The following SNX31 variants were observed in gnomAD, a reference collection of about 807,000 sequenced individuals.
The protein encoded by SNX31 is sorting nexin 31, also known as sorting nexin-31.
In SNX31, 58 loss-of-function variants were observed where a neutral mutation model predicts 65.4. The observed-to-expected ratio is 0.89, with a 90% CI of 0.72 to 1.10. SNX31 has a LOEUF of 1.10. Ranked by LOEUF, SNX31 falls within the 50% of genes least tolerant of loss-of-function variation. The pLI, the probability that SNX31 is intolerant of heterozygous loss-of-function variation, is 0.00. For missense variants in SNX31, 523 were observed against 529.7 expected (o/e 0.99, Z 0.12); for synonymous variants, 181 against 190.1 (o/e 0.95, Z 0.39).
intron 4 of SNX31, among the ~76,000 whole-genome samples, chr8:100,619,613 C>T (rs1202772772): frequency 6.6e-6 from 1 of 152,204 alleles, no homozygotes; most frequent in African/African-American, 2.4e-5. Context: ...CAGCGGCTGC[C>T]CACATGGGGC....
At position 100,613,052 on chromosome 8, in the gene SNX31, G is replaced by C. The variant is rs765030152; in HGVS notation, c.466C>G (p.Leu156Val). ...VSHKIGLCRE[L>V]LGYFGLFLIR... The stretch of plus-strand genomic sequence containing the variant: ...AGAAAGAGGCCGAAGTAGCCCAAGA[G>C]CTCTCGACACAGTCCAATTTTGTGT... The change falls in exon 6 of 14, where the codon CTC becomes GTC. Residue 156 changes from leucine to valine, a missense_variant. Transcript: ENST00000311812. The surrounding 1 kb of genome is among the most constrained non-coding windows in gnomAD (Gnocchi z 5.2). The C allele has an allele frequency of 4.3e-6, 7 of 1,614,034 alleles. No homozygotes were observed. In the Admixed American group the frequency reaches 5.0e-5, roughly 12 times the overall value.
At chr8:100,652,907 T>C (rs2131311390), upstream of SNX31, among the ~76,000 whole-genome samples, 1 of 152,114 alleles carries the variant, frequency 6.6e-6, no homozygotes, top group East Asian at 1.9e-4. Context: ...ATAGCCCAGG[T>C]GTTGCGCACA....
At chr8:100,637,584 T>C (rs892621623) in intron 2 of SNX31, among the ~76,000 whole-genome samples, 14 of 152,248 alleles carry the variant, frequency 9.2e-5, no homozygotes, top group African/African-American at 3.1e-4. Context: ...TCCAAGTCAC[T>C]ATCATCTCTT....
At chr8:100,584,611 T>C (rs1813861382) in intron 11 of SNX31, among the ~76,000 whole-genome samples, 1 of 152,132 alleles carries the variant, frequency 6.6e-6, no homozygotes, top group Non-Finnish European at 1.5e-5. Flanking sequence ...TACATAATTA[T>C]TGAGAGACCT....
Position 100,630,309 on chromosome 8 carries a change from AAAG to A in SNX31, c.321+15_321+17del. On this transcript the variant is annotated intron_variant, in intron 4 of 13. Coordinates refer to ENST00000311812, the MANE Select transcript of SNX31 (RefSeq NM_152628.4). The surrounding 1 kb of genome is among the most constrained non-coding windows in gnomAD (Gnocchi z 5.3). ...CCTGCAGAGGAATGATGGCCCCATT[AAAG>A]AAGAGCAAGCTTACCAGCTGCGCCA... 6.2e-7 allele frequency: 1 copy of A among 1,612,482 alleles called. No individual in the cohort carries two copies.
intron 2 of SNX31, among the ~76,000 whole-genome samples, chr8:100,641,717 ATTTT>A (rs34610614): frequency 3.7e-4 from 43 of 117,760 alleles, no homozygotes; most frequent in East Asian, 7.2e-4. Flanking sequence ...ACCTAGTATA[ATTTT>A]TTTTTTTTTT....
chr8:100,649,716 C>T, upstream of SNX31: 1 of 474,798 alleles, frequency 2.1e-6, no homozygotes. Flanking sequence ...CCGCCCCATC[C>T]AGCCCCGCCG....
At chr8:100,619,227 C>T (rs955058410) in intron 4 of SNX31, 3 of 152,214 alleles carry the variant, frequency 2.0e-5, no homozygotes, top group African/African-American at 7.2e-5. Context: ...GTGCCAGGAA[C>T]TGGGGACAAA....
chr8:100,640,888 T>C lies in SNX31; in HGVS notation c.142-4877A>G, dbSNP rs116983916. On this transcript the variant is annotated intron_variant, in intron 2 of 13. Transcript: ENST00000311812. Reference sequence around the variant, plus strand: ...TAATGTGGTACACTGGCCAGGGTCCTGGAAGAGAAATAGGACATTAGGTAA... The same window carrying C: ...TAATGTGGTACACTGGCCAGGGTCCCGGAAGAGAAATAGGACATTAGGTAA... Among the ~76,000 whole-genome samples the C allele has an allele frequency of 3.6e-4, 55 of 152,276 alleles. No individual in the cohort carries two copies. In the East Asian group the frequency reaches 9.5e-3, roughly 26 times the overall value.
chr8:100,592,441 A>G (rs2130874868), intron 10 of SNX31, among the ~76,000 whole-genome samples: 1 of 152,362 alleles, frequency 6.6e-6, no homozygotes, highest in East Asian at 1.9e-4. Flanking sequence ...TGTCACATCT[A>G]TCTACTAGGT....
rs1813029205 is a variant in SNX31 at position 100,576,138 on chromosome 8, G to A, written c.1227+881C>T. 6.6e-6 allele frequency among the ~76,000 whole-genome samples: 1 copy of A among 152,156 alleles called. No individual in the cohort carries two copies. Among genetic ancestry groups the A allele is most frequent in the Admixed American group, 6.5e-5 (1 of 15,272 alleles). ...AGCCAGAAGTGCTGTGATTATGAAG[G>A]AGAATGCTTTTATGCATTTCTGCTA... On this transcript the variant is annotated intron_variant, in intron 13 of 13. Transcript: ENST00000311812. This position sits in a 1 kb window ranked among gnomAD's most constrained non-coding sequence, Gnocchi z 4.8.
Position 100,594,119 on chromosome 8 carries a change from G to A in SNX31, c.978+2520C>T, listed in dbSNP as rs1218636106. On this transcript the variant is annotated intron_variant, in intron 10 of 13. Coordinates refer to ENST00000311812, the MANE Select transcript of SNX31 (RefSeq NM_152628.4). The surrounding 1 kb of genome is among the most constrained non-coding windows in gnomAD (Gnocchi z 4.0). ...GGAGTTTGAGACCAGCCAGGACAACGTGGTGAAACCTCATCTCTACTAAAA... is the reference window on the plus strand; with the variant it reads ...GGAGTTTGAGACCAGCCAGGACAACATGGTGAAACCTCATCTCTACTAAAA... 3.3e-5 allele frequency among the ~76,000 whole-genome samples: 5 copies of A among 151,924 alleles called. No homozygotes were observed. Among genetic ancestry groups the A allele is most frequent in the East Asian group, 1.9e-4 (1 of 5,140 alleles).
intron 4 of SNX31, among the ~76,000 whole-genome samples, chr8:100,628,612 G>A (rs199728777): frequency 9.2e-5 from 14 of 152,000 alleles, no homozygotes; most frequent in Middle Eastern, 3.4e-3. Flanking sequence ...AAGGGGGAGG[G>A]ATAGCATTAG....
intron 12 of SNX31, among the ~76,000 whole-genome samples, chr8:100,582,055 G>T (rs1813602406): frequency 6.6e-6 from 1 of 152,120 alleles, no homozygotes; most frequent in Non-Finnish European, 1.5e-5. Context: ...AGAGTTTCTG[G>T]AACTAAAACG....
In SNX31 at chr8:100,588,987, G is replaced by A; in HGVS notation, c.979-8C>T. On this transcript the variant is annotated splice_polypyrimidine_tract_variant and splice_region_variant and intron_variant, in intron 10 of 13. Coordinates refer to ENST00000311812, the MANE Select transcript of SNX31 (RefSeq NM_152628.4). The surrounding 1 kb of genome is among the most constrained non-coding windows in gnomAD (Gnocchi z 4.8). The stretch of plus-strand genomic sequence containing the variant: ...CGTATCCAGCAGAGTTCCCTACAAA[G>A]GAAAATATTTTATATTCAATGTAAA... 1 of 1,601,404 alleles carries A rather than the reference G, an allele frequency of 6.2e-7. No homozygotes were observed.
In SNX31 at chr8:100,588,368, C is replaced by A. The variant is rs1025848196; in HGVS notation, c.1092+498G>T. Among the ~76,000 whole-genome samples, 29 of 152,184 alleles carry A rather than the reference C, an allele frequency of 1.9e-4. No individual in the cohort carries two copies. Among genetic ancestry groups the A allele is most frequent in the African/African-American group, 6.8e-4 (28 of 41,454 alleles). On this transcript the variant is annotated intron_variant, in intron 11 of 13. Transcript: ENST00000311812. The surrounding 1 kb of genome is among the most constrained non-coding windows in gnomAD (Gnocchi z 4.8). ...GAATAATAGGGATGCCAATCATCTA[C>A]CTTCAGTATTTTTATTAACTAAGAT...
chr8:100,582,792 G>A (rs1449406971), intron 12 of SNX31, among the ~76,000 whole-genome samples: 9 of 151,350 alleles, frequency 5.9e-5, no homozygotes, highest in Non-Finnish European at 1.0e-4. Flanking sequence ...CCTGGCTAAC[G>A]TGGTGCAACC....
intron 9 of SNX31, among the ~76,000 whole-genome samples, chr8:100,597,672 G>A (rs1815241676): frequency 6.6e-6 from 1 of 152,220 alleles, no homozygotes; most frequent in Non-Finnish European, 1.5e-5. Context: ...GGCAATGAGG[G>A]CACGAGCTGG....
In SNX31 at chr8:100,613,020, C is replaced by T. The variant is rs145842613; in HGVS notation, c.498G>A (p.Arg166=). 6,009 of 1,614,036 alleles carry T rather than the reference C, an allele frequency of 3.7e-3. 17 individuals carry two copies. The highest frequency in any genetic ancestry group is 4.7e-3 in the Non-Finnish European group (5,518 of 1,179,980). ...LLGYFGLFLI[R]FGKEGKLSVV... Reference sequence around the variant, plus strand: ...CAGAGAGCTTGCCCTCCTTGCCAAACCGAATGAGAAAGAGGCCGAAGTAGC... The same window carrying T: ...CAGAGAGCTTGCCCTCCTTGCCAAATCGAATGAGAAAGAGGCCGAAGTAGC... Residue 166 remains arginine, a synonymous_variant, in exon 6 of 14, where the codon CGG becomes CGA. Transcript: ENST00000311812. This position sits in a 1 kb window ranked among gnomAD's most constrained non-coding sequence, Gnocchi z 5.2.
Sources: gnomAD v4.1 joint callset for allele counts (sites outside exome capture counted in the v4.1 genomes callset) on GRCh38, gnomAD v4.1.1 for gene constraint, Gnocchi (gnomAD v3.1) non-coding constraint, MANE v1.5 for transcripts, NCBI Gene and HGNC (gene_info 2026-07-23, HGNC 2026-07-21) for gene names.